SPAG16: variants seen among roughly 807,000 people sequenced by gnomAD.
SPAG16 encodes the protein sperm associated antigen 16, also known as sperm-associated antigen 16 protein.
SPAG16 carries 86 observed loss-of-function variants against 80.4 expected under a neutral mutation model. The ratio of observed to expected loss-of-function variants is 1.07; its 90% CI spans 0.90 to 1.28. The LOEUF (loss-of-function observed/expected upper bound fraction) is 1.28, where lower values mean the gene tolerates loss of function less well. Ranked by LOEUF, SPAG16 falls within the 50% of genes most tolerant of loss-of-function variation. SPAG16 has a pLI of 0.00. For synonymous variants in SPAG16, 294 were observed against 265.9 expected (o/e 1.11, Z -1.03); for missense variants, 870 against 765.3 (o/e 1.14, Z -1.61).
rs36059669 is a variant in SPAG16 at position 213,620,281 on chromosome 2, G to GTT, written c.1070+130219_1070+130220dup. 2.2e-3 allele frequency among the ~76,000 whole-genome samples: 183 copies of GTT among 82,830 alleles called. 11 individuals carry two copies. Among genetic ancestry groups the GTT allele is most frequent in the African/African-American group, 2.5e-3 (47 of 18,968 alleles). 54.3% of individuals were successfully genotyped at this position (82,830 alleles called of 152,430 possible). On this transcript the variant is annotated intron_variant, in intron 10 of 15. Transcript: ENST00000331683. ...AATGTAGTTAACAATAATTTATTGA[G>GTT]TTTTTTTTTTTTTTTTTTTTTTTTT...
chr2:213,292,613 G>A (rs1468205060), intron 1 of SPAG16, among the ~76,000 whole-genome samples: 3 of 142,162 alleles, frequency 2.1e-5, no homozygotes, highest in African/African-American at 5.4e-5. Context: ...GCAGTGAGCC[G>A]AGATCCCGCC....
At chr2:213,632,240 T>G (rs2062184621) in intron 10 of SPAG16, among the ~76,000 whole-genome samples, 1 of 152,150 alleles carries the variant, frequency 6.6e-6, no homozygotes, top group Non-Finnish European at 1.5e-5. Context: ...GTGGCTACAG[T>G]GAATGGGATT....
intron 10 of SPAG16, among the ~76,000 whole-genome samples, chr2:213,601,399 C>T (rs912245494): frequency 1.3e-5 from 2 of 152,118 alleles, no homozygotes; most frequent in Admixed American, 6.5e-5. Context: ...TGAGCCCTAA[C>T]ATTGTGTACA....
intron 9 of SPAG16, among the ~76,000 whole-genome samples, chr2:213,425,859 C>T (rs938789449): frequency 1.3e-5 from 2 of 152,022 alleles, no homozygotes; most frequent in Non-Finnish European, 2.9e-5. Flanking sequence ...CATTCATGCT[C>T]CAATAATAGA....
intron 10 of SPAG16, among the ~76,000 whole-genome samples, chr2:213,543,926 T>G (rs977742495): frequency 3.9e-5 from 6 of 152,122 alleles, no homozygotes; most frequent in Non-Finnish European, 7.4e-5. Flanking sequence ...GTTTTATTGA[T>G]GCATATGGTA....
At chr2:213,739,235 T>A (rs1236580521) in intron 10 of SPAG16, among the ~76,000 whole-genome samples, 1 of 152,238 alleles carries the variant, frequency 6.6e-6, no homozygotes, top group African/African-American at 2.4e-5. Flanking sequence ...TTGGTTAATT[T>A]GGCCCCCTAT....
At chr2:213,690,782 C>T (rs1207201547) in intron 10 of SPAG16, among the ~76,000 whole-genome samples, 2 of 152,130 alleles carry the variant, frequency 1.3e-5, no homozygotes, top group African/African-American at 4.8e-5. Context: ...ACTCCAGGTT[C>T]TTCAGCCTTT....
At chr2:213,358,527 C>T (rs1055933112) in intron 7 of SPAG16, among the ~76,000 whole-genome samples, 1 of 152,130 alleles carries the variant, frequency 6.6e-6, no homozygotes, top group Non-Finnish European at 1.5e-5. Flanking sequence ...CACTGATATC[C>T]TTTCTTCCAC....
At chr2:213,800,341 T>A (rs1575171172) in intron 10 of SPAG16, among the ~76,000 whole-genome samples, 1 of 104,172 alleles carries the variant, frequency 9.6e-6, no homozygotes, top group African/African-American at 3.7e-5. Flanking sequence ...CCTCTCTCCC[T>A]CTCTCCCTCT....
intron 12 of SPAG16, among the ~76,000 whole-genome samples, chr2:213,942,262 C>T (rs1228711984): frequency 1.3e-5 from 2 of 152,140 alleles, no homozygotes; most frequent in Non-Finnish European, 2.9e-5. Flanking sequence ...TGACCTGTTT[C>T]ATTTCATGTT....
chr2:213,934,984 C>T (rs990148239), intron 12 of SPAG16, among the ~76,000 whole-genome samples: 2 of 151,966 alleles, frequency 1.3e-5, no homozygotes, highest in Non-Finnish European at 2.9e-5. Context: ...AGGCCGATCA[C>T]GAGGTCAGGA....
At chr2:213,896,106 T>G (rs1373581850) in intron 11 of SPAG16, among the ~76,000 whole-genome samples, 1 of 151,670 alleles carries the variant, frequency 6.6e-6, no homozygotes, top group Non-Finnish European at 1.5e-5. Context: ...CAATAGCAAA[T>G]GAATAAATTG....
intron 12 of SPAG16, among the ~76,000 whole-genome samples, chr2:214,008,578 C>A (rs2047138166): frequency 6.6e-6 from 1 of 151,944 alleles, no homozygotes; most frequent in Non-Finnish European, 1.5e-5. Context: ...AACCCTGTCT[C>A]CACTAAAAAT....
intron 9 of SPAG16, among the ~76,000 whole-genome samples, chr2:213,454,578 A>G (rs1380950737): frequency 1.3e-5 from 2 of 152,194 alleles, no homozygotes; most frequent in African/African-American, 2.4e-5. Flanking sequence ...TGACTTCTTC[A>G]TCTCTATTCT....
At chr2:214,041,978 G>GTGTATATATATATATATATATATATATA (rs1410396491) in intron 13 of SPAG16, among the ~76,000 whole-genome samples, 1 of 116,362 alleles carries the variant, frequency 8.6e-6, no homozygotes, top group African/African-American at 3.2e-5. Flanking sequence ...GTCTGTGTGT[G>GTGTATATATATATATATATATATATATA]TATATATATA....
intron 15 of SPAG16, among the ~76,000 whole-genome samples, chr2:214,182,163 T>C (rs1031918952): frequency 4.6e-5 from 7 of 151,736 alleles, no homozygotes; most frequent in African/African-American, 1.7e-4. Context: ...ATATTGTACA[T>C]GTATATATAT....
intron 10 of SPAG16, among the ~76,000 whole-genome samples, chr2:213,646,473 C>T (rs1574633932): frequency 6.6e-6 from 1 of 152,218 alleles, no homozygotes; most frequent in African/African-American, 2.4e-5. Context: ...TAGCACTTTA[C>T]AGAACAGGAA....
chr2:213,570,136 A>T, intron 10 of SPAG16, among the ~76,000 whole-genome samples: 1 of 66,122 alleles, frequency 1.5e-5, no homozygotes, highest in Non-Finnish European at 2.8e-5. Flanking sequence ...TTTTTTCTTT[A>T]TTAGTCTTGC....
At chr2:213,382,048 T>A (rs2067201788) in intron 9 of SPAG16, among the ~76,000 whole-genome samples, 1 of 140,658 alleles carries the variant, frequency 7.1e-6, no homozygotes, top group South Asian at 2.2e-4. Context: ...ATCAGGCTAG[T>A]TTTTTTTTTT....
Sources: gnomAD v4.1 joint callset for allele counts (sites outside exome capture counted in the v4.1 genomes callset) on GRCh38, gnomAD v4.1.1 for gene constraint, MANE v1.5 for transcripts, NCBI Gene and HGNC (gene_info 2026-07-23, HGNC 2026-07-21) for gene names.